The following ZMYND10 variants were observed in gnomAD, a reference collection of about 807,000 sequenced individuals.
ZMYND10 encodes zinc finger MYND domain-containing protein 10.
A neutral mutation model predicts 62.6 loss-of-function variants in ZMYND10; 52 were observed. That is an observed-to-expected ratio of 0.83 (90% confidence interval 0.67 to 1.05). The LOEUF (loss-of-function observed/expected upper bound fraction) is 1.05. Among genes scored for constraint, ZMYND10 ranks in the 50% least tolerant of loss-of-function variants. ZMYND10 has a pLI of 0.00. For synonymous variants in ZMYND10, 197 were observed against 218.5 expected, an observed-to-expected ratio of 0.90 and a Z score of 0.87; for missense variants, 438 against 543.3, an observed-to-expected ratio of 0.81 and a Z score of 1.93.
At position 50,342,454 on chromosome 3, in the gene ZMYND10, G is replaced by C. The variant is rs927833122; in HGVS notation, c.816C>G (p.Ser272Arg). 1 of 1,611,708 alleles carries C rather than the reference G, an allele frequency of 6.2e-7. No individual in the cohort carries two copies. The highest frequency in any genetic ancestry group is 8.5e-7 in the Non-Finnish European group (1 of 1,178,942). ...VWIALYNLLL[S>R]PEAQARYCLT... ...GGCAGTAGCGCGCCTGAGCCTCAGGGCTTAGCAGCAGGTTGTACAGGGCGA... is the reference window on the plus strand; with the variant it reads ...GGCAGTAGCGCGCCTGAGCCTCAGGCCTTAGCAGCAGGTTGTACAGGGCGA... The change falls in exon 8 of 12, where the codon AGC (serine) becomes AGG (arginine). Residue 272 changes from serine to arginine, a missense_variant. By Grantham distance (110) the Ser-to-Arg change is moderately radical. Coordinates refer to ENST00000231749, the MANE Select transcript of ZMYND10 (RefSeq NM_015896.4).
rs1466801012 is a variant in ZMYND10, at chr3:50,343,914, TC to T, written c.202-65del. 4 of 1,476,010 alleles carry T rather than the reference TC, an allele frequency of 2.7e-6. No homozygotes were observed. In the African/African-American group the frequency reaches 4.2e-5, roughly 15 times the overall value. 91.4% of individuals were successfully genotyped at this position (1,476,010 alleles called of 1,614,324 possible). A position where few individuals can be genotyped will look rare whatever the true frequency, so the allele number is the denominator to read the frequency against. ...CTACCTTTGCCTGGCAACCCTCCCA[TC>T]CCCGGCTCAGCTCAACCCTGATATC... On this transcript the variant is annotated intron_variant, in intron 2 of 11. Transcript: ENST00000231749.
Position 50,341,505 on chromosome 3 carries a change from G to A in ZMYND10, c.1248-20C>T. The A allele has an allele frequency of 6.2e-7, 1 of 1,614,240 alleles. No individual in the cohort carries two copies. Among genetic ancestry groups the A allele is most frequent in the Non-Finnish European group, 8.5e-7 (1 of 1,180,028 alleles). On this transcript the variant is annotated intron_variant, in intron 11 of 11. Coordinates refer to ENST00000231749, the MANE Select transcript of ZMYND10 (RefSeq NM_015896.4). ...CACTCCCTGCAGGCAGGTGGGTATT[G>A]AGGATGGCAATGCATGTGGGGGATG...
At position 50,343,820 on chromosome 3, in the gene ZMYND10, C is replaced by T. The variant is rs764077760; in HGVS notation, c.232G>A (p.Val78Met). Residue 78 changes from valine (V) to methionine (M), a missense_variant, in exon 3 of 12, where the codon GTG becomes ATG. Coordinates refer to ENST00000231749, the MANE Select transcript of ZMYND10 (RefSeq NM_015896.4). ...VPTLVEELIA[V>M]EMWKQKVFPV... ...AACACCTTCTGCTTCCACATCTCCA[C>T]TGCGATCAGCTCCTCCACCAGTGTT... 1 of 1,614,220 alleles carries T rather than the reference C, an allele frequency of 6.2e-7. No individual in the cohort carries two copies. The highest frequency in any genetic ancestry group is 8.5e-7 in the Non-Finnish European group (1 of 1,180,038).
In ZMYND10 at chr3:50,343,457, G is replaced by A; in HGVS notation, c.373-13C>T. ...ACTCACACACCTCCTGGGAAAAGGA[G>A]GAGGGAAACTTTCTGTGTCTGATGC... On this transcript the variant is annotated splice_polypyrimidine_tract_variant and intron_variant, in intron 4 of 11. Transcript: ENST00000231749. The A allele has an allele frequency of 1.2e-6, 2 of 1,612,270 alleles. No homozygotes were observed. The highest frequency in any genetic ancestry group is 1.1e-5 in the South Asian group (1 of 91,066).
In ZMYND10 at chr3:50,345,652, CCCCG is replaced by C; in HGVS notation, c.-77_-74del. ...TGCTGTCACATTCGGGGACGACGGACCCCGACGGTGCCAAAGTCTGGGACAGGAC... is the reference window on the plus strand; with the variant it reads ...TGCTGTCACATTCGGGGACGACGGACACGGTGCCAAAGTCTGGGACAGGAC... On this transcript the variant is annotated 5_prime_UTR_variant, in exon 1 of 12. The change abolishes the stop of an existing upstream ORF in the 5' untranslated region. Transcript: ENST00000231749. The surrounding 1 kb of genome is among the most constrained non-coding windows in gnomAD (Gnocchi z 5.0). 6.6e-7 allele frequency: 1 copy of C among 1,525,420 alleles called. No homozygotes were observed. Among genetic ancestry groups the C allele is most frequent in the South Asian group, 1.3e-5 (1 of 78,856 alleles). 94.5% of individuals were successfully genotyped at this position (1,525,420 alleles called of 1,614,324 possible). A position where few individuals can be genotyped will look rare whatever the true frequency, so the allele number is the denominator to read the frequency against.
Position 50,345,541 on chromosome 3 carries a change from T to C in ZMYND10, c.39A>G (p.Glu13=). Residue 13 remains glutamate, a synonymous_variant, in exon 1 of 12, where the codon GAA becomes GAG. Coordinates refer to ENST00000231749, the MANE Select transcript of ZMYND10 (RefSeq NM_015896.4). This position sits in a 1 kb window ranked among gnomAD's most constrained non-coding sequence, Gnocchi z 5.0. ...DLELLLPGEA[E]VLVRGLRSFP... is the part of the protein sequence containing the mutation. ...AGCTGCGCAGACCCCGCACCAGCAC[T>C]TCAGCTTCCCCGGGCAGCAGCAGTT... is the stretch of plus-strand genomic sequence containing the variant. The C allele has an allele frequency of 6.2e-7, 1 of 1,609,496 alleles. No individual in the cohort carries two copies. The highest frequency in any genetic ancestry group is 8.5e-7 in the Non-Finnish European group (1 of 1,178,490).
chr3:50,344,315 CTTTTTTT>C lies in ZMYND10; in HGVS notation c.202-472_202-466del, dbSNP rs71080585. On this transcript the variant is annotated intron_variant, in intron 2 of 11. Transcript: ENST00000231749. ...CATCTTTCTTTTGCAAAGGACCTTTCTTTTTTTTTTTTTTTTTTTTGAGACGGAGTTT... is the reference window on the plus strand; with the variant it reads ...CATCTTTCTTTTGCAAAGGACCTTTCTTTTTTTTTTTTTGAGACGGAGTTT... 0.055 allele frequency among the ~76,000 whole-genome samples: 7,113 copies of C among 128,674 alleles called. 1,310 individuals carry two copies. In the East Asian group the frequency reaches 0.6, roughly 11 times the overall value. The allele number at this position is 128,674 out of a possible 152,430, so 84.4% of individuals were successfully genotyped here. A position where few individuals can be genotyped will look rare whatever the true frequency, so the allele number is the denominator to read the frequency against.
In ZMYND10 at chr3:50,341,814, G is replaced by A. The variant is rs746007602; in HGVS notation, c.1117C>T (p.Arg373Ter). 2.5e-6 allele frequency: 4 copies of A among 1,613,892 alleles called. No individual in the cohort carries two copies. The highest frequency in any genetic ancestry group is 2.2e-5 in the East Asian group (1 of 44,880). ...PSEQDLRLQA[R>*]RWAETYRLDV... ...TGCCATTTCCACAGGCCTTACCTTC[G>A]CGCCTGCAGCCGCAGGTCCTGCTCT... Residue 373 changes from arginine (R) to a stop codon, truncating the protein, a stop_gained, in exon 10 of 12, where the codon CGA becomes TGA. Coordinates refer to ENST00000231749, the MANE Select transcript of ZMYND10 (RefSeq NM_015896.4). LOFTEE classifies it high-confidence loss of function.
chr3:50,343,183 C>T lies in ZMYND10; in HGVS notation c.534G>A (p.Leu178=). ...PMQELQKQAE[L]MEFEIALKAL... ...CCTTCAGTGCAATCTCAAATTCCAT[C>T]AGCTCTGCCTGCTTCTGCAGCTCCT... Residue 178 remains leucine (L), a synonymous_variant, in exon 6 of 12, where the codon CTG becomes CTA. Transcript: ENST00000231749. 1.9e-6 allele frequency: 3 copies of T among 1,614,232 alleles called. No homozygotes were observed. The highest frequency in any genetic ancestry group is 2.5e-6 in the Non-Finnish European group (3 of 1,180,034).
chr3:50,342,322 C>T lies in ZMYND10; in HGVS notation c.873+75G>A, dbSNP rs1703405546. The T allele has an allele frequency of 2.6e-6, 4 of 1,556,106 alleles. No individual in the cohort carries two copies. The East Asian group carries it at 7.3e-5, about 28-fold the overall frequency. ...GTTGAGGTGGGTGGGCAAAGATAAA[C>T]AGCAGGGACGCAGTCGGGGTAGGAT... is the stretch of plus-strand genomic sequence containing the variant. On this transcript the variant is annotated intron_variant, in intron 8 of 11. Coordinates refer to ENST00000231749, the MANE Select transcript of ZMYND10 (RefSeq NM_015896.4).
chr3:50,343,647 G>A, intron 3 of ZMYND10, 31 bp from the exon 4 acceptor site: 1 of 1,614,112 alleles, frequency 6.2e-7, no homozygotes, highest in Non-Finnish European at 8.5e-7. Context: ...CAGGGCCTGA[G>A]GAAGGGATAG....
At chr3:50,343,040 A>T (rs759367915) in intron 6 of ZMYND10, 22 bp from the exon 7 acceptor site, 3 of 1,613,888 alleles carry the variant, frequency 1.9e-6, no homozygotes, top group Admixed American at 3.3e-5. Context: ...GACGTTGTGA[A>T]GGAGGTGAGT....
In ZMYND10 at chr3:50,342,072, C is replaced by G; in HGVS notation, c.942G>C (p.Leu314=). The G allele has an allele frequency of 6.2e-7, 1 of 1,613,968 alleles. No homozygotes were observed. ...GGGTTTCAGTTAGGGTCAGATGGGC[C>G]AGGAAACTCTGCAAGTGGGCCAGGT... The part of the protein sequence containing the change: ...LPNLAHLQSF[L]AHLTLTETQP... The change falls in exon 9 of 12, where the codon CTG becomes CTC. Residue 314 remains leucine, a synonymous_variant. Coordinates refer to ENST00000231749, the MANE Select transcript of ZMYND10 (RefSeq NM_015896.4).
At chr3:50,343,873 C>T (rs1393631543) in intron 2 of ZMYND10, 23 bp from the exon 3 acceptor site, 3 of 1,610,768 alleles carry the variant, frequency 1.9e-6, no homozygotes, top group Non-Finnish European at 2.5e-6. Flanking sequence ...GGGTAAAGGA[C>T]AGGGATGAGA....
chr3:50,344,923 A>G (rs587635468), intron 2 of ZMYND10: 14 of 558,876 alleles, frequency 2.5e-5, no homozygotes, highest in African/African-American at 1.5e-4. Context: ...TCCCTAATCA[A>G]CTCATGCCCT....
chr3:50,343,017 G>C lies in ZMYND10; in HGVS notation c.601C>G (p.Leu201Val). 1 of 1,614,152 alleles carries C rather than the reference G, an allele frequency of 6.2e-7. No individual in the cohort carries two copies. The highest frequency in any genetic ancestry group is 8.5e-7 in the Non-Finnish European group (1 of 1,179,986). The change falls in exon 7 of 12, where the codon CTC becomes GTC. Residue 201 changes from leucine to valine, a missense_variant and splice_region_variant. Physicochemically the swap from Leu to Val is conservative, Grantham distance 32. Transcript: ENST00000231749. ...LRYITDCVDSLSLSTLSRMLS... is the reference protein window; with the variant it reads ...LRYITDCVDSVSLSTLSRMLS... Reference sequence around the variant, plus strand: ...ATACGGCTCAAGGTGCTGAGAGAGAGGCTAGGGGCAGGGACGTTGTGAAGG... The same window carrying C: ...ATACGGCTCAAGGTGCTGAGAGAGACGCTAGGGGCAGGGACGTTGTGAAGG...
chr3:50,341,815 C>T lies in ZMYND10; in HGVS notation c.1116G>A (p.Ala372=), dbSNP rs143000634. ...GCCATTTCCACAGGCCTTACCTTCGCGCCTGCAGCCGCAGGTCCTGCTCTG... is the reference window on the plus strand; with the variant it reads ...GCCATTTCCACAGGCCTTACCTTCGTGCCTGCAGCCGCAGGTCCTGCTCTG... ...SPSEQDLRLQ[A]RRWAETYRLD... is the part of the protein sequence containing the mutation. Residue 372 remains alanine (A), a synonymous_variant, in exon 10 of 12, where the codon GCG becomes GCA. Coordinates refer to ENST00000231749, the MANE Select transcript of ZMYND10 (RefSeq NM_015896.4). 1.3e-4 allele frequency: 213 copies of T among 1,613,840 alleles called. No homozygotes were observed. The highest frequency in any genetic ancestry group is 1.6e-4 in the Non-Finnish European group (190 of 1,179,938).
rs760700286 is a variant in ZMYND10, at chr3:50,343,817, C to T, written c.235G>A (p.Glu79Lys). The change falls in exon 3 of 12, where the codon GAG (glutamate) becomes AAG (lysine). Residue 79 changes from glutamate to lysine, a missense_variant. Physicochemically the swap from Glu to Lys is moderately conservative, Grantham distance 56. Coordinates refer to ENST00000231749, the MANE Select transcript of ZMYND10 (RefSeq NM_015896.4). ...PTLVEELIAV[E>K]MWKQKVFPVF... is the part of the protein sequence containing the mutation. ...GGGAACACCTTCTGCTTCCACATCT[C>T]CACTGCGATCAGCTCCTCCACCAGT... is the stretch of plus-strand genomic sequence containing the variant. 25 of 1,614,102 alleles carry T rather than the reference C, an allele frequency of 1.5e-5. No homozygotes were observed. The highest frequency in any genetic ancestry group is 1.9e-5 in the Non-Finnish European group (22 of 1,180,046).
Position 50,341,382 on chromosome 3 carries a change from G to A in ZMYND10, c.*28C>T, listed in dbSNP as rs769068881. On this transcript the variant is annotated 3_prime_UTR_variant, in exon 12 of 12. Transcript: ENST00000231749. ...ATTCTGGGTGGATTCCCTTGGCATG[G>A]GTGGTCGGCCCTCAGCAACTGCAGC... 1.2e-6 allele frequency: 2 copies of A among 1,613,236 alleles called. No individual in the cohort carries two copies. Among genetic ancestry groups the A allele is most frequent in the Non-Finnish European group, 1.7e-6 (2 of 1,179,878 alleles).
Sources: allele counts gnomAD v4.1 joint callset (sites outside exome capture counted in the v4.1 genomes callset), GRCh38; gene constraint gnomAD v4.1.1; non-coding constraint Gnocchi (gnomAD v3.1); transcripts MANE v1.5; gene names NCBI Gene and HGNC (gene_info 2026-07-23, HGNC 2026-07-21).